Variants in VAV3 observed in about 807,000 individuals in gnomAD.
The protein encoded by VAV3 is guanine nucleotide exchange factor VAV3.
In VAV3, 94 loss-of-function variants were observed where a neutral mutation model predicts 131.2. The ratio of observed to expected loss-of-function variants is 0.72; its 90% CI spans 0.61 to 0.85. The LOEUF (loss-of-function observed/expected upper bound fraction) is 0.85, where lower values mean the gene tolerates loss of function less well. Ranked by LOEUF, VAV3 falls within the 40% of genes least tolerant of loss-of-function variation. The probability of loss-of-function intolerance (pLI) is 0.00; values close to 1 mark genes in which losing one functional copy is unlikely to be tolerated. For missense variants in VAV3, 939 were observed against 1,002.7 expected, an observed-to-expected ratio of 0.94 and a Z score of 0.86; for synonymous variants, 349 against 342.0, an observed-to-expected ratio of 1.02 and a Z score of -0.22.
At chr1:107,699,737 CT>C (rs545599451) in intron 17 of VAV3, among the ~76,000 whole-genome samples, 120 of 147,794 alleles carry the variant, frequency 8.1e-4, no homozygotes, top group Non-Finnish European at 9.6e-4. Context: ...CTTTCTCTCT[CT>C]TTTTTTTTTT....
Position 107,756,584 on chromosome 1 carries a change from A to G in VAV3, c.1086+677T>C, listed in dbSNP as rs1664110594. ...TCACCTTGCCATTTTGTTTTAAAGAACAAATATTTGCCTACGCTTTAAGTT... is the reference window on the plus strand; with the variant it reads ...TCACCTTGCCATTTTGTTTTAAAGAGCAAATATTTGCCTACGCTTTAAGTT... On this transcript the variant is annotated intron_variant, in intron 11 of 26. Transcript: ENST00000370056. 7.2e-5 allele frequency among the ~76,000 whole-genome samples: 11 copies of G among 152,144 alleles called. No individual in the cohort carries two copies. The South Asian group carries it at 2.3e-3, about 31-fold the overall frequency.
intron 18 of VAV3, among the ~76,000 whole-genome samples, chr1:107,683,859 T>C (rs1316536016): frequency 1.3e-5 from 2 of 152,200 alleles, no homozygotes; most frequent in African/African-American, 4.8e-5. Context: ...CCAGCAGCCA[T>C]CTTGGTTAGA....
chr1:107,718,286 A>T (rs1399316515), intron 15 of VAV3, among the ~76,000 whole-genome samples: 1 of 152,162 alleles, frequency 6.6e-6, no homozygotes, highest in Non-Finnish European at 1.5e-5. Flanking sequence ...CACAGATGAC[A>T]TGATTATATA....
chr1:107,838,270 G>T (rs972892067), intron 2 of VAV3, among the ~76,000 whole-genome samples: 1 of 151,948 alleles, frequency 6.6e-6, no homozygotes, highest in Non-Finnish European at 1.5e-5. Context: ...GCACAAAACA[G>T]GAACTCCATT....
intron 19 of VAV3, among the ~76,000 whole-genome samples, chr1:107,670,234 T>C (rs1657686836): frequency 6.6e-6 from 1 of 152,168 alleles, no homozygotes; most frequent in South Asian, 2.1e-4. Context: ...CTTTGCCAGC[T>C]ATTTCGTGCC....
intron 19 of VAV3, chr1:107,668,747 T>TG: frequency 1.0e-6 from 1 of 983,988 alleles, no homozygotes; most frequent in Non-Finnish European, 1.2e-6. Flanking sequence ...TACCATTAAA[T>TG]GAATGTAGGT....
chr1:107,957,438 A>G (rs1394300784), intron 1 of VAV3, among the ~76,000 whole-genome samples: 2 of 152,108 alleles, frequency 1.3e-5, no homozygotes, highest in African/African-American at 4.8e-5. Context: ...CTTCATACCT[A>G]TGGAGCCACT....
At chr1:107,723,701 C>T (rs1462552401) in intron 15 of VAV3, among the ~76,000 whole-genome samples, 2 of 152,098 alleles carry the variant, frequency 1.3e-5, no homozygotes, top group South Asian at 4.1e-4. Context: ...GCCAGCCACC[C>T]TATACAGAGG....
rs147784989 is a variant in VAV3 at position 107,575,922 on chromosome 1, C to T, written c.2351-1724G>A. 2.8e-4 allele frequency among the ~76,000 whole-genome samples: 42 copies of T among 152,148 alleles called. 1 individual carries two copies. The highest frequency in any genetic ancestry group is 6.3e-4 in the African/African-American group (26 of 41,516). The stretch of plus-strand genomic sequence containing the variant: ...AAGACCAAAATGCCCATGCACAAAC[C>T]GAAGAACTGCAGAATTCATGGGCGC... On this transcript the variant is annotated intron_variant, in intron 25 of 26. Coordinates refer to ENST00000370056, the MANE Select transcript of VAV3 (RefSeq NM_006113.5).
At chr1:107,705,571 T>G (rs762944290) in intron 15 of VAV3, among the ~76,000 whole-genome samples, 6 of 152,186 alleles carry the variant, frequency 3.9e-5, no homozygotes, top group Non-Finnish European at 7.3e-5. Context: ...TAAAAAATTC[T>G]TAACATTTCA....
intron 1 of VAV3, among the ~76,000 whole-genome samples, chr1:107,901,293 A>G (rs996356131): frequency 1.3e-5 from 2 of 152,242 alleles, no homozygotes; most frequent in Non-Finnish European, 2.9e-5. Context: ...ACACCAAGGT[A>G]TCCTGGAACA....
chr1:107,813,762 T>C (rs993105853), intron 2 of VAV3, among the ~76,000 whole-genome samples: 1 of 152,100 alleles, frequency 6.6e-6, no homozygotes, highest in Non-Finnish European at 1.5e-5. Context: ...CCCCACCCCC[T>C]ATACACCATT....
intron 26 of VAV3, 90 bp downstream of exon 26, chr1:107,573,957 A>G: frequency 2.6e-6 from 4 of 1,545,088 alleles, no homozygotes; most frequent in Non-Finnish European, 3.5e-6. Flanking sequence ...AATACAGTAT[A>G]GAGGCTTCTC....
intron 2 of VAV3, among the ~76,000 whole-genome samples, chr1:107,806,419 T>TGCTGG (rs1557858672): frequency 6.6e-6 from 1 of 151,854 alleles, no homozygotes; most frequent in East Asian, 1.9e-4. Flanking sequence ...TTCTGGGATA[T>TGCTGG]TGTTAGTCTT....
At chr1:107,880,057 G>A (rs1670692011) in intron 1 of VAV3, among the ~76,000 whole-genome samples, 1 of 152,180 alleles carries the variant, frequency 6.6e-6, no homozygotes, top group African/African-American at 2.4e-5. Context: ...ACATGATCCA[G>A]ACTCTATACT....
At chr1:107,760,098 C>T (rs2102125063) in intron 10 of VAV3, among the ~76,000 whole-genome samples, 1 of 152,256 alleles carries the variant, frequency 6.6e-6, no homozygotes, top group South Asian at 2.1e-4. Context: ...CAAAGCACAG[C>T]CGACGCAAAA....
At chr1:107,810,795 G>A (rs987115943) in intron 2 of VAV3, among the ~76,000 whole-genome samples, 3 of 151,944 alleles carry the variant, frequency 2.0e-5, no homozygotes, top group African/African-American at 7.3e-5. Context: ...ACAATGAACA[G>A]TAAGAAGACA....
chr1:107,754,081 G>T (rs1415653857), intron 12 of VAV3, among the ~76,000 whole-genome samples: 1 of 152,156 alleles, frequency 6.6e-6, no homozygotes, highest in East Asian at 1.9e-4. Flanking sequence ...TGGAGACCTT[G>T]TAATACAGCA....
Position 107,860,253 on chromosome 1 carries a change from T to C in VAV3, c.321+14648A>G, listed in dbSNP as rs796172079. Among the ~76,000 whole-genome samples, 19 of 152,272 alleles carry C rather than the reference T, an allele frequency of 1.2e-4. 1 individual carries two copies. The highest frequency in any genetic ancestry group is 3.8e-4 in the African/African-American group (16 of 41,560). On this transcript the variant is annotated intron_variant, in intron 2 of 26. Coordinates refer to ENST00000370056, the MANE Select transcript of VAV3 (RefSeq NM_006113.5). ...CTCCTACCTCAATCTTCCAAGTACC[T>C]GGGACTACACATGCATGGCACCACA...
Sources: gnomAD v4.1 joint callset for allele counts (sites outside exome capture counted in the v4.1 genomes callset) on GRCh38, gnomAD v4.1.1 for gene constraint, MANE v1.5 for transcripts, NCBI Gene and HGNC (gene_info 2026-07-23, HGNC 2026-07-21) for gene names.